Variants in RBM33 observed in about 807,000 individuals in gnomAD.
RBM33 encodes RNA-binding protein 33.
In RBM33, 28 loss-of-function variants were observed where a neutral mutation model predicts 132.6. That is an observed-to-expected ratio of 0.21 (90% CI 0.16 to 0.29). The LOEUF (loss-of-function observed/expected upper bound fraction) is 0.29, where lower values mean the gene tolerates loss of function less well. Ranked by LOEUF, RBM33 falls within the 10% of genes least tolerant of loss-of-function variation. RBM33 has a pLI of 1.00. For missense variants in RBM33, 1,291 were observed against 1,518.5 expected, an observed-to-expected ratio of 0.85 and a Z score of 2.49; for synonymous variants, 634 against 593.0, an observed-to-expected ratio of 1.07 and a Z score of -1.01.
At chr7:155,680,548 T>C in intron 4 of RBM33, 42 bp from the exon 5 acceptor site, 1 of 1,377,648 alleles carries the variant, frequency 7.3e-7, no homozygotes, top group Non-Finnish European at 9.7e-7. Flanking sequence ...TGAGCTCCTC[T>C]CTTCATTGGG....
intron 5 of RBM33, among the ~76,000 whole-genome samples, chr7:155,685,246 G>T (rs1191060979): frequency 6.6e-6 from 1 of 152,196 alleles, no homozygotes; most frequent in African/African-American, 2.4e-5. Flanking sequence ...AGCGTGTGCC[G>T]TTTAAGTGTT....
At chr7:155,768,909 G>A (rs1424200611) in intron 16 of RBM33, among the ~76,000 whole-genome samples, 5 of 152,318 alleles carry the variant, frequency 3.3e-5, no homozygotes, top group African/African-American at 7.2e-5. Context: ...CACCGCACCC[G>A]GCTGTCACTG....
Position 155,775,295 on chromosome 7 carries a change from T to C in RBM33, c.*254T>C, listed in dbSNP as rs1802570092. On this transcript the variant is annotated 3_prime_UTR_variant, in exon 18 of 18. Transcript: ENST00000401878. The stretch of plus-strand genomic sequence containing the variant: ...CACCAAGAACTCCAAGTTTTTCGTT[T>C]TGTTTTGTTTTCAAAGTGCTTACAA... 1.6e-6 allele frequency: 1 copy of C among 608,908 alleles called. No homozygotes were observed. 37.7% of individuals were successfully genotyped at this position (608,908 alleles called of 1,614,324 possible). A position where few individuals can be genotyped will look rare whatever the true frequency, so the allele number is the denominator to read the frequency against.
chr7:155,684,774 C>T (rs1296598873), intron 5 of RBM33, among the ~76,000 whole-genome samples: 1 of 152,142 alleles, frequency 6.6e-6, no homozygotes, highest in Non-Finnish European at 1.5e-5. Flanking sequence ...GAGGAGGTTC[C>T]CCTCTGTTTC....
chr7:155,667,812 A>G (rs1585413223), intron 2 of RBM33, among the ~76,000 whole-genome samples: 1 of 152,288 alleles, frequency 6.6e-6, no homozygotes, highest in South Asian at 2.1e-4. Context: ...ATAGCTATAC[A>G]GTCTGCCTGA....
chr7:155,672,883 T>A lies in RBM33; in HGVS notation c.139T>A (p.Leu47Ile), dbSNP rs375023032. Residue 47 changes from leucine (L) to isoleucine (I), a missense_variant, in exon 3 of 18, where the codon TTA becomes ATA. Physicochemically the swap from Leu to Ile is conservative, Grantham distance 5. This residue lies in a region of RBM33 where 194 missense variants were observed against 249.8 expected (regional missense o/e 0.78). Coordinates refer to ENST00000401878, the MANE Select transcript of RBM33 (RefSeq NM_053043.3). ...TCTCCCAAGTGAACTTGAAGATGATTTACTTGGAGAAGATTTGCTATCTGG... is the reference window on the plus strand; with the variant it reads ...TCTCCCAAGTGAACTTGAAGATGATATACTTGGAGAAGATTTGCTATCTGG... ...EDWDSELEDD[L>I]LGEDLLSGKK... 40 of 1,549,798 alleles carry A rather than the reference T, an allele frequency of 2.6e-5. No homozygotes were observed. The highest frequency in any genetic ancestry group is 3.1e-5 in the Non-Finnish European group (36 of 1,145,624).
intron 6 of RBM33, among the ~76,000 whole-genome samples, chr7:155,702,148 A>G (rs1034829497): frequency 5.9e-5 from 9 of 152,158 alleles, no homozygotes; most frequent in African/African-American, 2.2e-4. Context: ...AAGAATCAAG[A>G]CTTACCTTTC....
rs1470416733 is a variant in RBM33 at position 155,774,470 on chromosome 7, T to C, written c.3376-89T>C. On this transcript the variant is annotated intron_variant, in intron 16 of 17. Coordinates refer to ENST00000401878, the MANE Select transcript of RBM33 (RefSeq NM_053043.3). The surrounding 1 kb of genome is among the most constrained non-coding windows in gnomAD (Gnocchi z 4.2). Reference sequence around the variant, plus strand: ...CAAATGTCCGCCTGGACTCATTTTGTGTTAAAACTAATAATGCTTAAATAT... The same window carrying C: ...CAAATGTCCGCCTGGACTCATTTTGCGTTAAAACTAATAATGCTTAAATAT... 2.2e-5 allele frequency: 21 copies of C among 942,776 alleles called. No homozygotes were observed. The highest frequency in any genetic ancestry group is 2.6e-5 in the Non-Finnish European group (16 of 607,410). 58.4% of individuals were successfully genotyped at this position (942,776 alleles called of 1,614,324 possible).
At chr7:155,696,657 A>C (rs1003109168) in intron 5 of RBM33, among the ~76,000 whole-genome samples, 20 of 152,218 alleles carry the variant, frequency 1.3e-4, no homozygotes, top group African/African-American at 4.8e-4. Flanking sequence ...TGAGATAATT[A>C]TATGGCTTTT....
At position 155,696,081 on chromosome 7, in the gene RBM33, G is replaced by C. The variant is rs534286213; in HGVS notation, c.568-4692G>C. Among the ~76,000 whole-genome samples, 18 of 152,194 alleles carry C rather than the reference G, an allele frequency of 1.2e-4. No individual in the cohort carries two copies. In the East Asian group the frequency reaches 3.5e-3, roughly 29 times the overall value. On this transcript the variant is annotated intron_variant, in intron 5 of 17. Transcript: ENST00000401878. ...TAAAATTAGGTTTTAGTCTCTTTCT[G>C]GTTCTCTTTTCTGTTGTTTCTGTTG...
At chr7:155,672,020 T>C (rs1798955217) in intron 2 of RBM33, among the ~76,000 whole-genome samples, 2 of 152,154 alleles carry the variant, frequency 1.3e-5, no homozygotes, top group African/African-American at 2.4e-5. Context: ...TGCAAATCAC[T>C]GATACGACAT....
intron 1 of RBM33, among the ~76,000 whole-genome samples, chr7:155,654,309 G>T (rs765084553): frequency 6.6e-6 from 1 of 152,044 alleles, no homozygotes; most frequent in Non-Finnish European, 1.5e-5. Flanking sequence ...TCTTCACCGT[G>T]ATGCTAACCA....
At position 155,673,683 on chromosome 7, in the gene RBM33, T is replaced by TACACAC. The variant is rs1215949207; in HGVS notation, c.171+769_171+770insCACACA. 9.5e-5 allele frequency among the ~76,000 whole-genome samples: 13 copies of TACACAC among 137,280 alleles called. 1 individual carries two copies. The highest frequency in any genetic ancestry group is 2.3e-4 in the South Asian group (1 of 4,288). The allele number at this position is 137,280 out of a possible 152,430, so 90.1% of individuals were successfully genotyped here. On this transcript the variant is annotated intron_variant, in intron 3 of 17. Coordinates refer to ENST00000401878, the MANE Select transcript of RBM33 (RefSeq NM_053043.3). ...ACACATATACATACACACGTGTATA[T>TACACAC]ATATACACACATATATACATACACA...
chr7:155,732,927 G>A (rs1397652640), intron 9 of RBM33, among the ~76,000 whole-genome samples: 1 of 152,192 alleles, frequency 6.6e-6, no homozygotes, highest in East Asian at 1.9e-4. Flanking sequence ...CCAGTTCATG[G>A]GATTCTTCGT....
chr7:155,665,291 G>T (rs764559376), intron 2 of RBM33, 38 bp downstream of exon 2: 1 of 1,566,938 alleles, frequency 6.4e-7, no homozygotes. Context: ...TGCCTGTGCC[G>T]ATCTCTCTCA....
Position 155,780,778 on chromosome 7 carries a change from T to TGCCACTCCATC in RBM33, c.*5737_*5738insGCCACTCCATC, listed in dbSNP as rs1554490907. ...GTGCTGACGATTTTCACACTGTGTTTACCACTCCATCACCTCTCAACCTTT... is the reference window on the plus strand; with the variant it reads ...GTGCTGACGATTTTCACACTGTGTTTGCCACTCCATCACCACTCCATCACCTCTCAACCTTT... On this transcript the variant is annotated 3_prime_UTR_variant, in exon 18 of 18. Coordinates refer to ENST00000401878, the MANE Select transcript of RBM33 (RefSeq NM_053043.3). 2.0e-5 allele frequency: 2 copies of TGCCACTCCATC among 100,284 alleles called. No individual in the cohort carries two copies. The highest frequency in any genetic ancestry group is 5.0e-5 in the Non-Finnish European group (2 of 40,230). 6.2% of individuals were successfully genotyped at this position (100,284 alleles called of 1,614,324 possible).
chr7:155,774,419 A>G lies in RBM33; in HGVS notation c.3376-140A>G, dbSNP rs1802538040. ...AAGTAAGACAAATTGCCAGGGAGCTAGAAAGGAAAATCAATTAGTGTGTTC... is the reference window on the plus strand; with the variant it reads ...AAGTAAGACAAATTGCCAGGGAGCTGGAAAGGAAAATCAATTAGTGTGTTC... On this transcript the variant is annotated intron_variant, in intron 16 of 17. Coordinates refer to ENST00000401878, the MANE Select transcript of RBM33 (RefSeq NM_053043.3). This position sits in a 1 kb window ranked among gnomAD's most constrained non-coding sequence, Gnocchi z 4.2. 2 of 612,458 alleles carry G rather than the reference A, an allele frequency of 3.3e-6. No homozygotes were observed. Among genetic ancestry groups the G allele is most frequent in the African/African-American group, 3.7e-5 (2 of 54,236 alleles). 37.9% of individuals were successfully genotyped at this position (612,458 alleles called of 1,614,324 possible). A position where few individuals can be genotyped will look rare whatever the true frequency, so the allele number is the denominator to read the frequency against.
intron 6 of RBM33, 175 bp downstream of exon 6, chr7:155,701,119 T>C (rs1799949432): frequency 1.6e-6 from 1 of 611,348 alleles, no homozygotes; most frequent in African/African-American, 1.9e-5. Context: ...AACTCATTCT[T>C]TAAAATCATT....
At position 155,772,225 on chromosome 7, in the gene RBM33, A is replaced by G. The variant is rs747999615; in HGVS notation, c.3376-2334A>G. Among the ~76,000 whole-genome samples, 105 of 152,136 alleles carry G rather than the reference A, an allele frequency of 6.9e-4. 1 individual carries two copies. Among genetic ancestry groups the G allele is most frequent in the Non-Finnish European group, 7.5e-4 (51 of 68,028 alleles). On this transcript the variant is annotated intron_variant, in intron 16 of 17. Coordinates refer to ENST00000401878, the MANE Select transcript of RBM33 (RefSeq NM_053043.3). ...GCTGGTGCTGTTGCCGGAAGAACGG[A>G]GAGAACCCCGGAGGCACGGCTGCAG...
Sources: allele counts gnomAD v4.1 joint callset (sites outside exome capture counted in the v4.1 genomes callset), GRCh38; gene constraint gnomAD v4.1.1; regional missense constraint gnomAD v4.1.1; non-coding constraint Gnocchi (gnomAD v3.1); transcripts MANE v1.5; gene names NCBI Gene and HGNC (gene_info 2026-07-23, HGNC 2026-07-21).